Variants in COL4A3 observed in about 807,000 individuals in gnomAD.
COL4A3 encodes collagen alpha-3(IV) chain.
COL4A3 carries 135 observed loss-of-function variants against 217.4 expected under a neutral mutation model. The ratio of observed to expected loss-of-function variants is 0.62; its 90% CI spans 0.54 to 0.72. The LOEUF (loss-of-function observed/expected upper bound fraction) is 0.72, where lower values mean the gene tolerates loss of function less well. Among genes scored for constraint, COL4A3 ranks in the 30% least tolerant of loss-of-function variants. COL4A3 has a pLI of 0.00. For missense variants in COL4A3, 1,868 were observed against 2,119.9 expected (o/e 0.88, Z 2.33); for synonymous variants, 690 against 736.3 (o/e 0.94, Z 1.02).
chr2:227,291,158 C>T, intron 37 of COL4A3: 1 of 439,618 alleles, frequency 2.3e-6, no homozygotes, highest in Non-Finnish European at 4.2e-6. Context: ...GCAGTGATTA[C>T]AGGCCCATAC....
chr2:227,309,155 A>C (rs1273281808), intron 49 of COL4A3, 49 bp from the exon 50 acceptor site: 2 of 1,606,082 alleles, frequency 1.2e-6, no homozygotes, highest in Admixed American at 1.7e-5. Flanking sequence ...GCAGCACATG[A>C]CAGTGCAGAA....
intron 1 of COL4A3, among the ~76,000 whole-genome samples, chr2:227,177,295 G>A (rs1022084740): frequency 1.3e-5 from 2 of 151,280 alleles, no homozygotes; most frequent in Admixed American, 6.6e-5. Flanking sequence ...GACTACAGGC[G>A]CCTGCCACCA....
In COL4A3 at chr2:227,257,697, G is replaced by A. The variant is rs2125947394; in HGVS notation, c.1029+53G>A. On this transcript the variant is annotated intron_variant, in intron 18 of 51. Transcript: ENST00000396578. ...GCTATGTTTGATCAAGTTCTTTAAA[G>A]TAGCAAGGAAATTTTGAATCAGTGT... 2.7e-6 allele frequency: 4 copies of A among 1,508,462 alleles called. No homozygotes were observed. In the South Asian group the frequency reaches 3.4e-5, roughly 13 times the overall value. The allele number at this position is 1,508,462 out of a possible 1,614,324, so 93.4% of individuals were successfully genotyped here. A position where few individuals can be genotyped will look rare whatever the true frequency, so the allele number is the denominator to read the frequency against.
Position 227,253,674 on chromosome 2 carries a change from C to G in COL4A3, c.765+36C>G. Reference sequence around the variant, plus strand: ...GATTTTATGATTAGTGTTGTGCCTTCCCGTGTCTAGGATGAAGTCCTTGTG... The same window carrying G: ...GATTTTATGATTAGTGTTGTGCCTTGCCGTGTCTAGGATGAAGTCCTTGTG... On this transcript the variant is annotated intron_variant, in intron 13 of 51. Coordinates refer to ENST00000396578, the MANE Select transcript of COL4A3 (RefSeq NM_000091.5). This position sits in a 1 kb window ranked among gnomAD's most constrained non-coding sequence, Gnocchi z 4.4. The G allele has an allele frequency of 6.4e-7, 1 of 1,561,192 alleles. No homozygotes were observed. Among genetic ancestry groups the G allele is most frequent in the Non-Finnish European group, 8.8e-7 (1 of 1,131,826 alleles).
At chr2:227,177,009 C>T (rs771420773) in intron 1 of COL4A3, among the ~76,000 whole-genome samples, 1 of 152,074 alleles carries the variant, frequency 6.6e-6, no homozygotes, top group African/African-American at 2.4e-5. Context: ...AAAATTAAAA[C>T]TATTTATAAT....
chr2:227,190,073 A>G (rs868585548), intron 1 of COL4A3, among the ~76,000 whole-genome samples: 1 of 152,234 alleles, frequency 6.6e-6, no homozygotes, highest in Non-Finnish European at 1.5e-5. Flanking sequence ...TCAGGTGGAA[A>G]AAAAAAGAAA....
chr2:227,273,954 A>C (rs922532843), intron 26 of COL4A3, among the ~76,000 whole-genome samples: 6 of 152,092 alleles, frequency 3.9e-5, no homozygotes, highest in Admixed American at 3.9e-4. Context: ...AAATCACCTT[A>C]GGCTGGGCAC....
chr2:227,247,612 G>A, intron 8 of COL4A3, 28 bp downstream of exon 8: 1 of 1,611,726 alleles, frequency 6.2e-7, no homozygotes, highest in Non-Finnish European at 8.5e-7. Flanking sequence ...TGCTGTCACT[G>A]AAAATCTCTA....
At position 227,298,663 on chromosome 2, in the gene COL4A3, A is replaced by C; in HGVS notation, c.3752-19A>C. The C allele has an allele frequency of 6.2e-7, 1 of 1,613,478 alleles. No individual in the cohort carries two copies. The highest frequency in any genetic ancestry group is 8.5e-7 in the Non-Finnish European group (1 of 1,179,650). ...AAGCTCCCTGGCTGGCAATACTGAC[A>C]GACTTTTCATGAATTCAGGTGCGCC... On this transcript the variant is annotated intron_variant, in intron 42 of 51. Transcript: ENST00000396578.
At chr2:227,229,622 GT>G (rs1177245700) in intron 1 of COL4A3, among the ~76,000 whole-genome samples, 1 of 152,118 alleles carries the variant, frequency 6.6e-6, no homozygotes, top group Non-Finnish European at 1.5e-5. Context: ...AGAAAGGGGA[GT>G]CCCCCAGTGA....
At chr2:227,199,870 A>C (rs973495143) in intron 1 of COL4A3, among the ~76,000 whole-genome samples, 8 of 152,238 alleles carry the variant, frequency 5.3e-5, no homozygotes, top group Non-Finnish European at 1.0e-4. Flanking sequence ...CGAAGGATGG[A>C]TCGTGCCTCC....
chr2:227,246,723 C>T lies in COL4A3; in HGVS notation c.426C>T (p.Gly142=). 6.2e-7 allele frequency: 1 copy of T among 1,612,092 alleles called. No homozygotes were observed. Among genetic ancestry groups the T allele is most frequent in the African/African-American group, 1.3e-5 (1 of 74,976 alleles). The change falls in exon 7 of 52, where the codon GGC becomes GGT. Residue 142 remains glycine, a synonymous_variant. Coordinates refer to ENST00000396578, the MANE Select transcript of COL4A3 (RefSeq NM_000091.5). The part of the protein sequence containing the change: ...QGFPGLPGTL[G]YPGIPGAAGL... ...TTCCAGGACTCCCAGGGACACTGGG[C>T]TACCCAGGGATCCCGGTAGGTTTGC... is the stretch of plus-strand genomic sequence containing the variant.
chr2:227,296,623 C>T (rs1490585391), intron 41 of COL4A3: 3 of 517,608 alleles, frequency 5.8e-6, no homozygotes, highest in Non-Finnish European at 2.5e-6. Context: ...ATATATAATC[C>T]AAGCCATCTT....
At chr2:227,240,927 A>C (rs1455674612) in intron 3 of COL4A3, among the ~76,000 whole-genome samples, 1 of 152,206 alleles carries the variant, frequency 6.6e-6, no homozygotes, top group Admixed American at 6.5e-5. Flanking sequence ...TTGTGTCTTA[A>C]TCTGACCTGA....
intron 48 of COL4A3, among the ~76,000 whole-genome samples, chr2:227,308,567 G>T (rs1459457555): frequency 6.6e-6 from 1 of 152,150 alleles, no homozygotes; most frequent in Non-Finnish European, 1.5e-5. Context: ...CCTTTATTTG[G>T]TTATTAGCTA....
rs748901402 is a variant in COL4A3 at position 227,303,922 on chromosome 2, G to A, written c.4019G>A (p.Gly1340Glu). ...IGPPGPIGPK[G>E]PPGVRGDPGT... ...CCTCCAGGACCAATTGGGCCAAAAG[G>A]ACCACCTGGTAAATAAACGTCCTTA... is the stretch of plus-strand genomic sequence containing the variant. The change falls in exon 45 of 52, where the codon GGA (glycine) becomes GAA (glutamate). Residue 1340 changes from glycine (G) to glutamate (E), a missense_variant. Around this residue, in one of 2 missense-constraint regions of COL4A3, gnomAD observed 1,503 missense variants for 1,786.1 expected, o/e 0.84. Transcript: ENST00000396578. The A allele has an allele frequency of 6.2e-7, 1 of 1,614,204 alleles. No homozygotes were observed.
At position 227,313,397 on chromosome 2, in the gene COL4A3, G is replaced by A. The variant is rs1315307781; in HGVS notation, c.*1527G>A. On this transcript the variant is annotated 3_prime_UTR_variant, in exon 52 of 52. Coordinates refer to ENST00000396578, the MANE Select transcript of COL4A3 (RefSeq NM_000091.5). ...CTTAGAAAAGCTAAGAGAAGATAAG[G>A]TCTGAATAATAGCAGAAAAACCAAC... 6.6e-6 allele frequency: 1 copy of A among 152,552 alleles called. No individual in the cohort carries two copies. Among genetic ancestry groups the A allele is most frequent in the Non-Finnish European group, 1.5e-5 (1 of 68,024 alleles). 9.4% of individuals were successfully genotyped at this position (152,552 alleles called of 1,614,324 possible).
chr2:227,256,727 G>A (rs1224760150), intron 17 of COL4A3, among the ~76,000 whole-genome samples: 1 of 152,216 alleles, frequency 6.6e-6, no homozygotes, highest in African/African-American at 2.4e-5. Flanking sequence ...ATAGGCTAGA[G>A]TTCATGAGTC....
Position 227,289,979 on chromosome 2 carries a change from A to G in COL4A3, c.2981-20A>G. ...TGTCCAGGAACTGTGCAGGGCAATA[A>G]CTACTTATTTGTTCTCAAGGCCCCA... On this transcript the variant is annotated intron_variant, in intron 35 of 51. Coordinates refer to ENST00000396578, the MANE Select transcript of COL4A3 (RefSeq NM_000091.5). 6.2e-7 allele frequency: 1 copy of G among 1,610,356 alleles called. No individual in the cohort carries two copies. The highest frequency in any genetic ancestry group is 8.5e-7 in the Non-Finnish European group (1 of 1,176,592).
Sources: allele counts gnomAD v4.1 joint callset (sites outside exome capture counted in the v4.1 genomes callset), GRCh38; gene constraint gnomAD v4.1.1; regional missense constraint gnomAD v4.1.1; non-coding constraint Gnocchi (gnomAD v3.1); transcripts MANE v1.5; gene names NCBI Gene and HGNC (gene_info 2026-07-23, HGNC 2026-07-21).